The following COL21A1 variants were observed in gnomAD, a reference collection of about 807,000 sequenced individuals.
COL21A1 encodes collagen type XXI alpha 1 chain, also known as collagen alpha-1(XXI) chain.
Under a neutral mutation model 137.9 loss-of-function variants are expected in COL21A1, and 149 were observed. That is an observed-to-expected ratio of 1.08 (90% CI 0.95 to 1.24). COL21A1 has a LOEUF of 1.24. COL21A1 is among the 50% of genes most tolerant of loss of function. The pLI is 0.00. For missense variants in COL21A1, 1,167 were observed against 1,158.4 expected (o/e 1.01, Z -0.11); for synonymous variants, 456 against 391.5 (o/e 1.16, Z -1.95).
intron 1 of COL21A1, among the ~76,000 whole-genome samples, chr6:56,218,621 G>C (rs760244785): frequency 2.6e-5 from 4 of 152,078 alleles, no homozygotes; most frequent in Non-Finnish European, 5.9e-5. Flanking sequence ...TTTTACTAAT[G>C]TCTTATTACT....
chr6:56,167,207 C>A (rs1350207409), intron 6 of COL21A1, among the ~76,000 whole-genome samples: 1 of 152,178 alleles, frequency 6.6e-6, no homozygotes, highest in Non-Finnish European at 1.5e-5. Context: ...AAGAGCAAAT[C>A]GATTTTCTTC....
chr6:56,142,492 C>T (rs1367181802), intron 10 of COL21A1, among the ~76,000 whole-genome samples: 2 of 152,066 alleles, frequency 1.3e-5, no homozygotes, highest in African/African-American at 2.4e-5. Context: ...ATGACATATC[C>T]TCCATGGTCC....
intron 19 of COL21A1, among the ~76,000 whole-genome samples, chr6:56,074,972 G>A (rs1002965882): frequency 9.1e-6 from 1 of 110,340 alleles, no homozygotes; most frequent in Admixed American, 8.5e-5. Flanking sequence ...TAGCAATAAA[G>A]TTAAAATTTG....
At chr6:56,194,919 T>C (rs1778925639) in intron 1 of COL21A1, among the ~76,000 whole-genome samples, 1 of 152,192 alleles carries the variant, frequency 6.6e-6, no homozygotes. Flanking sequence ...TCATGAGGGC[T>C]CTGCCTTTTC....
chr6:56,234,872 A>G (rs1183531502), intron 1 of COL21A1, among the ~76,000 whole-genome samples: 5 of 151,004 alleles, frequency 3.3e-5, no homozygotes, highest in African/African-American at 4.9e-5. Flanking sequence ...CTATTGACAA[A>G]TGTATTCTTA....
chr6:56,290,376 C>T (rs540021571), intron 1 of COL21A1, among the ~76,000 whole-genome samples: 20 of 152,082 alleles, frequency 1.3e-4, no homozygotes, highest in African/African-American at 4.8e-4. Flanking sequence ...ATTCTGACAA[C>T]CAAAAATGTC....
At chr6:56,117,511 A>T (rs1284345187) in intron 16 of COL21A1, among the ~76,000 whole-genome samples, 1 of 152,074 alleles carries the variant, frequency 6.6e-6, no homozygotes, top group Admixed American at 6.5e-5. Context: ...TTCCATTTTC[A>T]GCATTGGACA....
Position 56,183,046 on chromosome 6 carries a change from G to T in COL21A1, c.-38-390C>A, listed in dbSNP as rs1366515043. Among the ~76,000 whole-genome samples the T allele has an allele frequency of 2.0e-5, 3 of 152,144 alleles. No homozygotes were observed. In the East Asian group the frequency reaches 5.8e-4, roughly 29 times the overall value. ...TTTGTATTTAAGGGACACTCAAAGA[G>T]TATTTAGTGAAAATATGTCTAAGAT... On this transcript the variant is annotated intron_variant, in intron 1 of 29. Coordinates refer to ENST00000244728, the MANE Select transcript of COL21A1 (RefSeq NM_030820.4).
chr6:56,081,962 G>C (rs1053093453), intron 17 of COL21A1, among the ~76,000 whole-genome samples: 3 of 151,894 alleles, frequency 2.0e-5, no homozygotes, highest in African/African-American at 7.2e-5. Context: ...GATATCATAG[G>C]AAGGAAAAGC....
At chr6:56,097,378 T>A (rs1769426793) in intron 17 of COL21A1, among the ~76,000 whole-genome samples, 1 of 152,090 alleles carries the variant, frequency 6.6e-6, no homozygotes. Flanking sequence ...TGTTTGTCTA[T>A]CTTTTTGAAC....
At chr6:56,347,404 C>T (rs1408156113) in intron 1 of COL21A1, among the ~76,000 whole-genome samples, 1 of 151,856 alleles carries the variant, frequency 6.6e-6, no homozygotes, top group East Asian at 1.9e-4. Flanking sequence ...TTCTATTATC[C>T]TTCCTGCATG....
intron 23 of COL21A1, 44 bp downstream of exon 23, chr6:56,067,251 C>A: frequency 6.6e-7 from 1 of 1,505,318 alleles, no homozygotes; most frequent in Non-Finnish European, 9.1e-7. Flanking sequence ...TTTAAAAGCT[C>A]TGATTTTATT....
chr6:56,270,214 T>C (rs1050194514), intron 1 of COL21A1, among the ~76,000 whole-genome samples: 3 of 152,020 alleles, frequency 2.0e-5, no homozygotes, highest in African/African-American at 7.2e-5. Flanking sequence ...TCAATGTAAA[T>C]AGAGAAAGAT....
chr6:56,368,453 GA>G lies in COL21A1; in HGVS notation c.-39+25517del, dbSNP rs373037880. Among the ~76,000 whole-genome samples the G allele has an allele frequency of 2.2e-3, 334 of 152,290 alleles. 3 individuals are homozygous for G. Among genetic ancestry groups the G allele is most frequent in the African/African-American group, 7.7e-3 (321 of 41,570 alleles). ...TGATTACACAGCTTCATGCATTGCA[GA>G]GGAAAAAATTCAATGTGAAATGGCT... On this transcript the variant is annotated intron_variant, in intron 1 of 28. Transcript: ENST00000370819.
chr6:56,257,290 T>C (rs1763113759), intron 1 of COL21A1, among the ~76,000 whole-genome samples: 2 of 152,222 alleles, frequency 1.3e-5, no homozygotes, highest in Non-Finnish European at 2.9e-5. Context: ...AAAATATTTG[T>C]AGCTCTCATA....
intron 1 of COL21A1, chr6:56,276,393 A>C: frequency 7.3e-6 from 4 of 551,500 alleles, no homozygotes; most frequent in East Asian, 3.1e-5. Context: ...AGTTGAAATA[A>C]TTTTTAAAAA....
intron 1 of COL21A1, among the ~76,000 whole-genome samples, chr6:56,354,235 A>T (rs1488309218): frequency 6.6e-6 from 1 of 152,254 alleles, no homozygotes; most frequent in East Asian, 1.9e-4. Context: ...GATAATGACC[A>T]GAAAGGGCAA....
chr6:56,245,461 TA>T (rs1782585901), intron 1 of COL21A1, among the ~76,000 whole-genome samples: 1 of 152,236 alleles, frequency 6.6e-6, no homozygotes, highest in Non-Finnish European at 1.5e-5. Context: ...GGTATTTAAA[TA>T]AAAATCTAAT....
At chr6:56,289,512 C>A (rs1322790108) in intron 1 of COL21A1, among the ~76,000 whole-genome samples, 1 of 152,132 alleles carries the variant, frequency 6.6e-6, no homozygotes, top group Non-Finnish European at 1.5e-5. Flanking sequence ...TATGATAATA[C>A]CTGGTTCTGA....
Sources: gnomAD v4.1 joint callset for allele counts (sites outside exome capture counted in the v4.1 genomes callset) on GRCh38, gnomAD v4.1.1 for gene constraint, MANE v1.5 for transcripts, NCBI Gene and HGNC (gene_info 2026-07-23, HGNC 2026-07-21) for gene names.